PLB1: variants seen among roughly 807,000 people sequenced by gnomAD.
PLB1 encodes phospholipase B1, membrane-associated.
PLB1 carries 242 observed loss-of-function variants against 227.4 expected under a neutral mutation model. That is an observed-to-expected ratio of 1.06 (90% CI 0.96 to 1.18). PLB1 has a LOEUF of 1.18. Among genes scored for constraint, PLB1 ranks in the 50% most tolerant of loss-of-function variants. PLB1 has a pLI of 0.00. For missense variants in PLB1, 1,858 were observed against 1,816.3 expected (o/e 1.02, Z -0.42); for synonymous variants, 757 against 682.2 (o/e 1.11, Z -1.71).
Position 28,502,762 on chromosome 2 carries a change from C to T in PLB1, c.55+6593C>T, listed in dbSNP as rs530252484. 8.5e-5 allele frequency among the ~76,000 whole-genome samples: 13 copies of T among 152,066 alleles called. No individual in the cohort carries two copies. In the South Asian group the frequency reaches 2.7e-3, roughly 32 times the overall value. On this transcript the variant is annotated intron_variant, in intron 1 of 57. Coordinates refer to ENST00000327757, the MANE Select transcript of PLB1 (RefSeq NM_153021.5). ...CTCATAAAATGAATTTGGGAGTGTTCCTATTTTTCTGTTTTCTGGAATAGT... is the reference window on the plus strand; with the variant it reads ...CTCATAAAATGAATTTGGGAGTGTTTCTATTTTTCTGTTTTCTGGAATAGT...
At position 28,529,771 on chromosome 2, in the gene PLB1, G is replaced by C. The variant is rs775547690; in HGVS notation, c.460G>C (p.Glu154Gln). The change falls in exon 8 of 58, where the codon GAG becomes CAG. Residue 154 changes from glutamate to glutamine, a missense_variant. By Grantham distance (29) the Glu-to-Gln change is conservative. Coordinates refer to ENST00000327757, the MANE Select transcript of PLB1 (RefSeq NM_153021.5). ...QAQELVRNMK[E>Q]NLQLDFQFDW... ...TCAAGAACTGGTGAGAAACATGAAA[G>C]AGAACCTGGTAAGCATCCGTCCAAC... 13 of 1,614,134 alleles carry C rather than the reference G, an allele frequency of 8.1e-6. No homozygotes were observed. The Middle Eastern group carries it at 6.6e-4, about 82-fold the overall frequency.
At chr2:28,555,965 C>T (rs949986545) in intron 17 of PLB1, among the ~76,000 whole-genome samples, 1 of 150,014 alleles carries the variant, frequency 6.7e-6, no homozygotes, top group Non-Finnish European at 1.5e-5. Flanking sequence ...ATCTCCCTGG[C>T]TCGAGATCCT....
intron 6 of PLB1, 47 bp downstream of exon 6, chr2:28,525,992 C>T: frequency 1.2e-6 from 2 of 1,603,838 alleles, no homozygotes; most frequent in Middle Eastern, 1.7e-4. Flanking sequence ...CCCTCTCCTT[C>T]CCAACACAGC....
chr2:28,593,947 CTTTT>C (rs386389801), intron 33 of PLB1, 193 bp downstream of exon 33: 10 of 619,106 alleles, frequency 1.6e-5, no homozygotes, highest in East Asian at 8.6e-5. Context: ...TGTTGATAAT[CTTTT>C]TTTTTTTTTT....
chr2:28,636,478 A>G (rs1689377506), intron 56 of PLB1, among the ~76,000 whole-genome samples: 1 of 152,196 alleles, frequency 6.6e-6, no homozygotes, highest in South Asian at 2.1e-4. Context: ...ACTCCTAGGT[A>G]TATCCCCAAA....
At chr2:28,634,414 TC>T (rs1486232087) in intron 56 of PLB1, among the ~76,000 whole-genome samples, 1 of 152,194 alleles carries the variant, frequency 6.6e-6, no homozygotes, top group Non-Finnish European at 1.5e-5. Flanking sequence ...CTGTTCCTTT[TC>T]CCCTGAGACC....
At chr2:28,548,635 A>C (rs1673683038) in intron 14 of PLB1, 1 of 620,366 alleles carries the variant, frequency 1.6e-6, no homozygotes, top group South Asian at 1.6e-5. Context: ...GTGGTTCTCA[A>C]ACTCGGGTGT....
At chr2:28,617,650 C>A (rs1686379928) in intron 44 of PLB1, 77 bp from the exon 45 acceptor site, 1 of 1,418,966 alleles carries the variant, frequency 7.0e-7, no homozygotes, top group Non-Finnish European at 1.0e-6. Context: ...AATCCCTTAG[C>A]TGGTTCTTCT....
intron 43 of PLB1, among the ~76,000 whole-genome samples, chr2:28,606,823 C>T (rs187176578): frequency 1.6e-4 from 24 of 152,044 alleles, no homozygotes; most frequent in African/African-American, 4.8e-4. Flanking sequence ...GAGAGGATCC[C>T]GGTGAGAAAA....
At chr2:28,582,015 G>A (rs113268940) in intron 23 of PLB1, 53 bp from the exon 24 acceptor site, 298 of 1,529,474 alleles carry the variant, frequency 1.9e-4, no homozygotes, top group Non-Finnish European at 2.5e-4. Flanking sequence ...GCCCTGTTCT[G>A]TAGAGAGATT....
intron 16 of PLB1, among the ~76,000 whole-genome samples, chr2:28,550,636 G>A (rs1317802855): frequency 6.6e-6 from 1 of 150,868 alleles, no homozygotes; most frequent in Non-Finnish European, 1.5e-5. Context: ...AGCCTCCTGG[G>A]TTCAAGCGAT....
Position 28,610,300 on chromosome 2 carries a change from G to A in PLB1, c.3130-3731G>A, listed in dbSNP as rs185692528. Among the ~76,000 whole-genome samples the A allele has an allele frequency of 1.1e-3, 159 of 150,538 alleles. 1 individual carries two copies. Among genetic ancestry groups the A allele is most frequent in the Non-Finnish European group, 1.9e-3 (126 of 67,804 alleles). ...TTCTTACCACCTGAAATCAGTGTAGGTAAAGAACCAGCACTTTTTTTTTTT... is the reference window on the plus strand; with the variant it reads ...TTCTTACCACCTGAAATCAGTGTAGATAAAGAACCAGCACTTTTTTTTTTT... On this transcript the variant is annotated intron_variant, in intron 43 of 57. Transcript: ENST00000327757.
intron 1 of PLB1, among the ~76,000 whole-genome samples, chr2:28,508,536 A>C (rs1395141125): frequency 6.6e-6 from 1 of 152,218 alleles, no homozygotes; most frequent in East Asian, 1.9e-4. Context: ...ACCTGCTCAC[A>C]GGTCCATGCA....
rs79952871 is a variant in PLB1, at chr2:28,633,051, A to G, written c.4098+12A>G. ...TCTGGAACAACATGGTGAGCAGCCA[A>G]GGGCCTGGTGGGCCTTGTCAAGGGG... On this transcript the variant is annotated intron_variant, in intron 56 of 57. Transcript: ENST00000327757. 1.2e-6 allele frequency: 2 copies of G among 1,611,508 alleles called. No individual in the cohort carries two copies. The highest frequency in any genetic ancestry group is 8.5e-7 in the Non-Finnish European group (1 of 1,177,826).
chr2:28,629,908 G>C (rs1321591396), intron 53 of PLB1, among the ~76,000 whole-genome samples: 1 of 152,178 alleles, frequency 6.6e-6, no homozygotes, highest in Non-Finnish European at 1.5e-5. Context: ...TGAGAGAGGA[G>C]GTTCTCCAGG....
At chr2:28,636,145 G>A (rs1444848332) in intron 56 of PLB1, among the ~76,000 whole-genome samples, 6 of 152,250 alleles carry the variant, frequency 3.9e-5, no homozygotes, top group South Asian at 2.1e-4. Flanking sequence ...TGCAACCTCC[G>A]TCTCCTGGAT....
Position 28,602,873 on chromosome 2 carries a change from G to T in PLB1, c.2726G>T (p.Arg909Leu). Residue 909 changes from arginine to leucine, a missense_variant, in exon 39 of 58, where the codon CGG (arginine) becomes CTG (leucine). Transcript: ENST00000327757. ...GACTTCCTGAACCCCACTATCATGCGGCAGGTGTTCCTGGGAAACCCAGAC... is the reference window on the plus strand; with the variant it reads ...GACTTCCTGAACCCCACTATCATGCTGCAGGTGTTCCTGGGAAACCCAGAC... ...LVDFLNPTIM[R>L]QVFLGNPDKC... is the part of the protein sequence containing the mutation. 1 of 1,614,176 alleles carries T rather than the reference G, an allele frequency of 6.2e-7. No individual in the cohort carries two copies. Among genetic ancestry groups the T allele is most frequent in the Non-Finnish European group, 8.5e-7 (1 of 1,180,022 alleles).
intron 35 of PLB1, among the ~76,000 whole-genome samples, chr2:28,600,274 G>T (rs35887981): frequency 0.07 from 10,681 of 152,186 alleles, 527 homozygotes; most frequent in Non-Finnish European, 0.11. Flanking sequence ...CTTTTTGAAA[G>T]AACCATTTAG....
chr2:28,506,187 G>A (rs1667618339), intron 1 of PLB1, among the ~76,000 whole-genome samples: 1 of 152,192 alleles, frequency 6.6e-6, no homozygotes, highest in African/African-American at 2.4e-5. Flanking sequence ...CCTCTGGGGA[G>A]AGAGAAAGGA....
Sources: allele counts gnomAD v4.1 joint callset (sites outside exome capture counted in the v4.1 genomes callset), GRCh38; gene constraint gnomAD v4.1.1; transcripts MANE v1.5; gene names NCBI Gene and HGNC (gene_info 2026-07-23, HGNC 2026-07-21).